SEMA6D: variants seen among roughly 807,000 people sequenced by gnomAD.
SEMA6D encodes semaphorin-6D.
In SEMA6D, 35 loss-of-function variants were observed where a neutral mutation model predicts 106.6. That is an observed-to-expected ratio of 0.33 (90% confidence interval 0.25 to 0.44). The LOEUF is 0.44. SEMA6D is among the 20% of genes least tolerant of loss of function. The pLI is 1.00. For missense variants in SEMA6D, 1,185 were observed against 1,345.9 expected, an observed-to-expected ratio of 0.88 and a Z score of 1.87; for synonymous variants, 499 against 487.7, an observed-to-expected ratio of 1.02 and a Z score of -0.31.
At chr15:47,670,376 T>G (rs2078114588) in intron 4 of SEMA6D, among the ~76,000 whole-genome samples, 1 of 152,134 alleles carries the variant, frequency 6.6e-6, no homozygotes, top group Non-Finnish European at 1.5e-5. Flanking sequence ...CTTAAGAAAT[T>G]TCTTAAGGAA....
Position 47,233,936 on chromosome 15 carries a change from G to C in SEMA6D, c.-239+49518G>C, listed in dbSNP as rs76241029. Among the ~76,000 whole-genome samples, 657 of 151,984 alleles carry C rather than the reference G, an allele frequency of 4.3e-3. 47 individuals carry two copies. The East Asian group carries it at 0.11, about 26-fold the overall frequency. ...TTTTCTTGTCTTATTGCATTAGCTA[G>C]GAACTCCAATACAATGTTGAATACA... On this transcript the variant is annotated intron_variant, in intron 1 of 19. Transcript: ENST00000558014.
chr15:47,245,071 C>T (rs1283777728), intron 1 of SEMA6D, among the ~76,000 whole-genome samples: 1 of 150,948 alleles, frequency 6.6e-6, no homozygotes, highest in Non-Finnish European at 1.5e-5. Context: ...ATGGTATATA[C>T]TTACCACATT....
chr15:47,669,820 A>G (rs1028227520), intron 4 of SEMA6D, among the ~76,000 whole-genome samples: 1 of 152,176 alleles, frequency 6.6e-6, no homozygotes, highest in South Asian at 2.1e-4. Flanking sequence ...ACCGCCTTGA[A>G]GTCTGACCTG....
intron 3 of SEMA6D, among the ~76,000 whole-genome samples, chr15:47,598,057 C>G (rs2076572631): frequency 6.6e-6 from 1 of 151,742 alleles, no homozygotes; most frequent in African/African-American, 2.4e-5. Flanking sequence ...CAGAAGAACT[C>G]TGAATTTATA....
At chr15:47,764,565 C>G in intron 11 of SEMA6D, 73 bp from the exon 12 acceptor site, 4 of 1,576,732 alleles carry the variant, frequency 2.5e-6, no homozygotes, top group Non-Finnish European at 3.5e-6. Flanking sequence ...AGAATATACA[C>G]TTATTCCTTA....
intron 1 of SEMA6D, among the ~76,000 whole-genome samples, chr15:47,348,906 A>G (rs1227970789): frequency 6.6e-6 from 1 of 152,088 alleles, no homozygotes; most frequent in African/African-American, 2.4e-5. Flanking sequence ...CATTTGTGGT[A>G]GAGGAAACAA....
intron 1 of SEMA6D, among the ~76,000 whole-genome samples, chr15:47,363,444 C>T (rs1478572519): frequency 1.3e-5 from 2 of 152,092 alleles, no homozygotes; most frequent in Non-Finnish European, 2.9e-5. Context: ...TGAAGAATTT[C>T]AAGATGGTAA....
At chr15:47,578,178 T>C (rs1395056822) in intron 3 of SEMA6D, among the ~76,000 whole-genome samples, 1 of 152,214 alleles carries the variant, frequency 6.6e-6, no homozygotes, top group Non-Finnish European at 1.5e-5. Context: ...TGATTCCAAA[T>C]CTTGTGATCT....
intron 1 of SEMA6D, among the ~76,000 whole-genome samples, chr15:47,295,269 C>T (rs893930859): frequency 6.6e-6 from 1 of 152,132 alleles, no homozygotes; most frequent in South Asian, 2.1e-4. Context: ...CAAGTGAGCT[C>T]ATGTATTAGA....
intron 3 of SEMA6D, among the ~76,000 whole-genome samples, chr15:47,511,984 C>T (rs1359324603): frequency 2.0e-5 from 3 of 152,142 alleles, no homozygotes; most frequent in Non-Finnish European, 1.5e-5. Flanking sequence ...ATTTAAATAC[C>T]AAGTGTTTGA....
chr15:47,226,857 C>G lies in SEMA6D; in HGVS notation c.-239+42439C>G, dbSNP rs16959083. 4.1e-3 allele frequency among the ~76,000 whole-genome samples: 619 copies of G among 152,218 alleles called. 45 individuals are homozygous for G. In the East Asian group the frequency reaches 0.1, roughly 26 times the overall value. Reference sequence around the variant, plus strand: ...CAATCCTTCATCTCATTCCACATCTCTGCTTTGGTTCACATCAGATATTAC... The same window carrying G: ...CAATCCTTCATCTCATTCCACATCTGTGCTTTGGTTCACATCAGATATTAC... On this transcript the variant is annotated intron_variant, in intron 1 of 19. Coordinates refer to the SEMA6D transcript ENST00000558014.
intron 1 of SEMA6D, among the ~76,000 whole-genome samples, chr15:47,364,763 C>T (rs1454635356): frequency 6.6e-6 from 1 of 151,886 alleles, no homozygotes; most frequent in African/African-American, 2.4e-5. Flanking sequence ...TACTGCCACC[C>T]TCCTCCCCAT....
At chr15:47,362,368 G>C (rs572160006) in intron 1 of SEMA6D, among the ~76,000 whole-genome samples, 52 of 152,300 alleles carry the variant, frequency 3.4e-4, no homozygotes, top group African/African-American at 1.2e-3. Context: ...AGCAAGAATG[G>C]AGATGCTTGT....
chr15:47,207,989 GCGCGCACACACACACACA>G (rs1321352225), intron 1 of SEMA6D, among the ~76,000 whole-genome samples: 24 of 62,254 alleles, frequency 3.9e-4, no homozygotes, highest in African/African-American at 8.9e-4. Context: ...CCACTGGCGC[GCGCGCACACACACACACA>G]CACACACACA....
intron 1 of SEMA6D, among the ~76,000 whole-genome samples, chr15:47,253,993 A>T (rs938183018): frequency 6.6e-6 from 1 of 151,964 alleles, no homozygotes; most frequent in Non-Finnish European, 1.5e-5. Context: ...AGCATTGAGA[A>T]TCTTTCTATC....
intron 1 of SEMA6D, among the ~76,000 whole-genome samples, chr15:47,207,848 G>A (rs1181195069): frequency 6.6e-6 from 1 of 152,018 alleles, no homozygotes; most frequent in African/African-American, 2.4e-5. Flanking sequence ...AGAGTACCCT[G>A]GGGAGAGGAC....
At position 47,453,769 on chromosome 15, in the gene SEMA6D, G is replaced by A. The variant is rs140177188; in HGVS notation, c.-158-16705G>A. Among the ~76,000 whole-genome samples the A allele has an allele frequency of 6.1e-3, 927 of 151,986 alleles. 11 individuals are homozygous for A. Among genetic ancestry groups the A allele is most frequent in the African/African-American group, 0.021 (883 of 41,496 alleles). On this transcript the variant is annotated intron_variant, in intron 2 of 19. Coordinates refer to the SEMA6D transcript ENST00000558014. ...AGAAGAGAGATCAAGAGCCCATGTG[G>A]ATACCATCTTTGGCCAGAATTTCTG...
chr15:47,710,204 A>T (rs912574380), intron 4 of SEMA6D, among the ~76,000 whole-genome samples: 4 of 152,248 alleles, frequency 2.6e-5, no homozygotes, highest in African/African-American at 9.6e-5. Flanking sequence ...ATTATAAATT[A>T]TCCTTGTCTC....
intron 1 of SEMA6D, among the ~76,000 whole-genome samples, chr15:47,267,442 T>A (rs569646475): frequency 4.2e-4 from 64 of 152,202 alleles, no homozygotes; most frequent in African/African-American, 1.4e-3. Context: ...ATGTTATGTC[T>A]TTTCAAGCTA....
Sources: gnomAD v4.1 joint callset for allele counts (sites outside exome capture counted in the v4.1 genomes callset) on GRCh38, gnomAD v4.1.1 for gene constraint, MANE v1.5 for transcripts, NCBI Gene and HGNC (gene_info 2026-07-23, HGNC 2026-07-21) for gene names.